RSBN1L: variants seen among roughly 807,000 people sequenced by gnomAD.
RSBN1L encodes lysine-specific demethylase RSBN1L.
Under a neutral mutation model 67.7 loss-of-function variants are expected in RSBN1L, and 30 were observed. That is an observed-to-expected ratio of 0.44 (90% CI 0.33 to 0.60). The LOEUF (loss-of-function observed/expected upper bound fraction) is 0.60, where lower values mean the gene tolerates loss of function less well. Ranked by LOEUF, RSBN1L falls within the 20% of genes least tolerant of loss-of-function variation. The pLI is 0.02. For synonymous variants in RSBN1L, 433 were observed against 387.0 expected (o/e 1.12, Z -1.39); for missense variants, 992 against 1,031.7 (o/e 0.96, Z 0.53).
Position 77,697,022 on chromosome 7 carries a change from G to C in RSBN1L, c.553G>C (p.Glu185Gln). The C allele has an allele frequency of 1.3e-6, 2 of 1,523,582 alleles. No homozygotes were observed. The highest frequency in any genetic ancestry group is 8.8e-7 in the Non-Finnish European group (1 of 1,140,436). 94.4% of individuals were successfully genotyped at this position (1,523,582 alleles called of 1,614,324 possible). Reference sequence around the variant, plus strand: ...CCGAGAGGCCGGCGGGGCCTCCCGGGAGGAGAACGGGGAGGTGAAGCCGCT... The same window carrying C: ...CCGAGAGGCCGGCGGGGCCTCCCGGCAGGAGAACGGGGAGGTGAAGCCGCT... ...GAREAGGASREENGEVKPLPR... is the reference protein window; with the variant it reads ...GAREAGGASRQENGEVKPLPR... Residue 185 changes from glutamate (E) to glutamine (Q), a missense_variant, in exon 1 of 8, where the codon GAG becomes CAG. Physicochemically the swap from Glu to Gln is conservative, Grantham distance 29. Around this residue, in one of 7 missense-constraint regions of RSBN1L, gnomAD observed 575 missense variants for 483.2 expected, o/e 1.19. Transcript: ENST00000334955.
At chr7:77,714,958 CAAA>C (rs35501995) in intron 1 of RSBN1L, among the ~76,000 whole-genome samples, 12 of 91,450 alleles carry the variant, frequency 1.3e-4, no homozygotes, top group East Asian at 3.6e-4. Flanking sequence ...GACTCCATCT[CAAA>C]AAAAAAAAAA....
intron 6 of RSBN1L, among the ~76,000 whole-genome samples, chr7:77,777,172 C>G (rs899494996): frequency 1.3e-5 from 2 of 151,928 alleles, no homozygotes; most frequent in Non-Finnish European, 2.9e-5. Flanking sequence ...ATTCCCTCCC[C>G]CCTCACATTT....
chr7:77,777,571 G>T (rs1791934206), intron 6 of RSBN1L, among the ~76,000 whole-genome samples: 1 of 151,566 alleles, frequency 6.6e-6, no homozygotes, highest in African/African-American at 2.4e-5. Context: ...GGCTTGCATT[G>T]TCTTTGATAA....
chr7:77,723,899 A>G (rs1022146215), intron 1 of RSBN1L, among the ~76,000 whole-genome samples: 1 of 151,892 alleles, frequency 6.6e-6, no homozygotes, highest in East Asian at 1.9e-4. Context: ...ACGCCACTGC[A>G]CTCCAGCCTG....
intron 3 of RSBN1L, among the ~76,000 whole-genome samples, chr7:77,757,990 CAG>C (rs57348669): frequency 0.12 from 18,678 of 151,824 alleles, 1,211 homozygotes; most frequent in African/African-American, 0.15. Flanking sequence ...TTTCTTGTGA[CAG>C]AGTCTCACTG....
At chr7:77,715,939 G>T (rs1389102904) in intron 1 of RSBN1L, among the ~76,000 whole-genome samples, 1 of 151,836 alleles carries the variant, frequency 6.6e-6, no homozygotes, top group Non-Finnish European at 1.5e-5. Flanking sequence ...TCTGTTATTG[G>T]GTTGTTTTCT....
intron 6 of RSBN1L, among the ~76,000 whole-genome samples, chr7:77,775,058 T>G (rs1452123609): frequency 6.6e-6 from 1 of 152,144 alleles, no homozygotes; most frequent in East Asian, 1.9e-4. Context: ...TCTGTTTATT[T>G]GTATTACTGT....
At chr7:77,743,468 T>C (rs1280853663) in intron 2 of RSBN1L, among the ~76,000 whole-genome samples, 1 of 151,574 alleles carries the variant, frequency 6.6e-6, no homozygotes, top group Non-Finnish European at 1.5e-5. Context: ...GGTTTTGTTT[T>C]TTTTTTTTTC....
At chr7:77,745,618 T>G (rs1301085401) in intron 2 of RSBN1L, among the ~76,000 whole-genome samples, 1 of 152,172 alleles carries the variant, frequency 6.6e-6, no homozygotes, top group South Asian at 2.1e-4. Context: ...TTGTCTTTAA[T>G]GCAGTGGTCC....
chr7:77,705,510 GT>G lies in RSBN1L; in HGVS notation c.586+8474del, dbSNP rs56187940. On this transcript the variant is annotated intron_variant, in intron 1 of 7. Coordinates refer to ENST00000334955, the MANE Select transcript of RSBN1L (RefSeq NM_198467.3). The stretch of plus-strand genomic sequence containing the variant: ...ACCACTAGGTCTCTCCATTGTAATG[GT>G]TTTTTTTTTTTTTTTTTTGTGATGG... 1.7e-3 allele frequency among the ~76,000 whole-genome samples: 189 copies of G among 111,468 alleles called. 1 individual carries two copies. The highest frequency in any genetic ancestry group is 1.0e-3 in the Non-Finnish European group (60 of 58,742). The allele number at this position is 111,468 out of a possible 152,430, so 73.1% of individuals were successfully genotyped here.
chr7:77,723,102 G>A (rs1276201333), intron 1 of RSBN1L, among the ~76,000 whole-genome samples: 1 of 151,844 alleles, frequency 6.6e-6, no homozygotes, highest in Admixed American at 6.6e-5. Context: ...GAGTAGCTGG[G>A]ATTACAGGCA....
In RSBN1L at chr7:77,704,273, A is replaced by G. The variant is rs190198970; in HGVS notation, c.586+7218A>G. 9.1e-4 allele frequency among the ~76,000 whole-genome samples: 138 copies of G among 152,340 alleles called. 2 individuals carry two copies. Among genetic ancestry groups the G allele is most frequent in the African/African-American group, 3.0e-3 (123 of 41,578 alleles). ...AGAAGTTTTAAGTTGATTATAATAA[A>G]TCTCATTAATTTTTCACCAATCTCA... On this transcript the variant is annotated intron_variant, in intron 1 of 7. Coordinates refer to ENST00000334955, the MANE Select transcript of RSBN1L (RefSeq NM_198467.3).
At chr7:77,741,692 A>G (rs1329468423) in intron 2 of RSBN1L, among the ~76,000 whole-genome samples, 1 of 104,052 alleles carries the variant, frequency 9.6e-6, no homozygotes, top group African/African-American at 4.3e-5. Context: ...ACTCGGTCTC[A>G]AAAAAAAAAA....
At chr7:77,715,984 G>A (rs1380305447) in intron 1 of RSBN1L, among the ~76,000 whole-genome samples, 1 of 151,960 alleles carries the variant, frequency 6.6e-6, no homozygotes, top group African/African-American at 2.4e-5. Flanking sequence ...TACATATTCT[G>A]GGTAGAACTC....
Position 77,749,951 on chromosome 7 carries a change from T to C in RSBN1L, c.1231T>C (p.Leu411=), listed in dbSNP as rs199840857. The change falls in exon 3 of 8, where the codon TTA becomes CTA. Residue 411 remains leucine (L), a synonymous_variant. Transcript: ENST00000334955. ...TATTGTTCATGGGGCAGCTACTTAT[T>C]TACCTGACTTTTTAGACTATTTTTC... The part of the protein sequence containing the change: ...MGIVHGAATY[L]PDFLDYFSFN... 109 of 1,614,118 alleles carry C rather than the reference T, an allele frequency of 6.8e-5. No homozygotes were observed. The African/African-American group carries it at 1.3e-3, about 20-fold the overall frequency.
At chr7:77,742,164 TAA>T (rs1350455602) in intron 2 of RSBN1L, among the ~76,000 whole-genome samples, 65 of 100,222 alleles carry the variant, frequency 6.5e-4, no homozygotes, top group Middle Eastern at 5.7e-3. Flanking sequence ...AACCCATCTT[TAA>T]AAAAAAAAAA....
At chr7:77,741,723 T>C (rs994545430) in intron 2 of RSBN1L, among the ~76,000 whole-genome samples, 6 of 151,712 alleles carry the variant, frequency 4.0e-5, no homozygotes, top group African/African-American at 9.7e-5. Context: ...AAAAGAATTA[T>C]AGATTTAATG....
At chr7:77,738,905 C>T (rs902124872) in intron 2 of RSBN1L, among the ~76,000 whole-genome samples, 2 of 152,124 alleles carry the variant, frequency 1.3e-5, no homozygotes, top group Non-Finnish European at 2.9e-5. Context: ...TGCCACTGCA[C>T]TCCAGCCTGG....
At chr7:77,697,887 C>T (rs766059713) in intron 1 of RSBN1L, among the ~76,000 whole-genome samples, 5 of 152,108 alleles carry the variant, frequency 3.3e-5, no homozygotes, top group Admixed American at 6.6e-5. Context: ...CAGGTGTTTC[C>T]ACCACTTCAG....
Sources: gnomAD v4.1 joint callset for allele counts (sites outside exome capture counted in the v4.1 genomes callset) on GRCh38, gnomAD v4.1.1 for gene constraint, gnomAD v4.1.1 regional missense constraint, MANE v1.5 for transcripts, NCBI Gene and HGNC (gene_info 2026-07-23, HGNC 2026-07-21) for gene names.